The following NKAIN2 variants were observed in gnomAD, a reference collection of about 807,000 sequenced individuals.
NKAIN2 encodes sodium/potassium-transporting ATPase subunit beta-1-interacting protein 2.
In NKAIN2, 14 loss-of-function variants were observed where a neutral mutation model predicts 32.6. The observed-to-expected ratio is 0.43, with a 90% CI of 0.28 to 0.67. The LOEUF (loss-of-function observed/expected upper bound fraction) is 0.67, where lower values mean the gene tolerates loss of function less well. Ranked by LOEUF, NKAIN2 falls within the 30% of genes least tolerant of loss-of-function variation. NKAIN2 has a pLI of 0.17. For missense variants in NKAIN2, 198 were observed against 258.3 expected (o/e 0.77, Z 1.60); for synonymous variants, 80 against 87.2 (o/e 0.92, Z 0.46).
intron 1 of NKAIN2, among the ~76,000 whole-genome samples, chr6:124,242,091 A>G (rs565399881): frequency 5.9e-5 from 9 of 152,222 alleles, no homozygotes; most frequent in Non-Finnish European, 1.0e-4. Context: ...AAAAGAAACT[A>G]TCAACAGAGT....
intron 1 of NKAIN2, among the ~76,000 whole-genome samples, chr6:123,952,532 GT>G (rs1164270430): frequency 2.0e-5 from 3 of 151,966 alleles, no homozygotes; most frequent in South Asian, 2.1e-4. Flanking sequence ...ATATATTGTT[GT>G]TTTATGGTGT....
At chr6:123,888,921 C>T (rs1773862779) in intron 1 of NKAIN2, among the ~76,000 whole-genome samples, 1 of 152,120 alleles carries the variant, frequency 6.6e-6, no homozygotes, top group African/African-American at 2.4e-5. Context: ...CTATTTTCAG[C>T]TCTGGCTGCT....
intron 4 of NKAIN2, among the ~76,000 whole-genome samples, chr6:124,701,967 C>T (rs1167161499): frequency 1.3e-5 from 2 of 152,084 alleles, no homozygotes; most frequent in African/African-American, 2.4e-5. Context: ...TCTGGAACTA[C>T]AGTGAGCCCA....
intron 5 of NKAIN2, among the ~76,000 whole-genome samples, chr6:124,813,054 C>A (rs1780976229): frequency 6.6e-6 from 1 of 152,062 alleles, no homozygotes; most frequent in African/African-American, 2.4e-5. Context: ...ATCAGTCATA[C>A]AAGATGGGGA....
chr6:123,996,486 T>C (rs1689679485), intron 1 of NKAIN2, among the ~76,000 whole-genome samples: 1 of 152,076 alleles, frequency 6.6e-6, no homozygotes, highest in Admixed American at 6.5e-5. Context: ...GTCATATTCA[T>C]ATTAAAAACT....
intron 1 of NKAIN2, among the ~76,000 whole-genome samples, chr6:124,155,466 AT>A (rs1787937456): frequency 6.6e-6 from 1 of 152,144 alleles, no homozygotes; most frequent in Non-Finnish European, 1.5e-5. Flanking sequence ...AAAAATTTAA[AT>A]GTTGAATGAG....
intron 1 of NKAIN2, among the ~76,000 whole-genome samples, chr6:123,834,875 G>A (rs1046160622): frequency 1.3e-5 from 2 of 152,086 alleles, no homozygotes; most frequent in African/African-American, 4.8e-5. Flanking sequence ...ACATGAGTTG[G>A]TATTTGCATG....
intron 6 of NKAIN2, among the ~76,000 whole-genome samples, chr6:124,819,775 C>CAT (rs2114881101): frequency 6.6e-6 from 1 of 152,252 alleles, no homozygotes; most frequent in South Asian, 2.1e-4. Flanking sequence ...GAGTCCCAAC[C>CAT]ATATGCAGAT....
intron 1 of NKAIN2, among the ~76,000 whole-genome samples, chr6:124,205,926 A>T (rs1417243639): frequency 6.6e-6 from 1 of 151,922 alleles, no homozygotes; most frequent in African/African-American, 2.4e-5. Context: ...ATACCTTAGT[A>T]TGTATCTGTG....
intron 1 of NKAIN2, among the ~76,000 whole-genome samples, chr6:123,885,262 T>G (rs192064876): frequency 1.9e-3 from 295 of 152,256 alleles, no homozygotes; most frequent in African/African-American, 6.7e-3. Context: ...CAAGGACAGT[T>G]GGCCCCTGAT....
At chr6:124,411,973 T>A (rs1490767868) in intron 3 of NKAIN2, among the ~76,000 whole-genome samples, 2 of 152,204 alleles carry the variant, frequency 1.3e-5, no homozygotes, top group South Asian at 2.1e-4. Flanking sequence ...TTGATTACAT[T>A]GGTTACTGAG....
At chr6:124,733,269 C>T (rs1339184144) in intron 4 of NKAIN2, among the ~76,000 whole-genome samples, 1 of 151,646 alleles carries the variant, frequency 6.6e-6, no homozygotes, top group Admixed American at 6.6e-5. Flanking sequence ...TATAAAAATC[C>T]ACAGAATATT....
At chr6:124,522,357 A>G (rs1779148737) in intron 3 of NKAIN2, among the ~76,000 whole-genome samples, 1 of 152,192 alleles carries the variant, frequency 6.6e-6, no homozygotes, top group East Asian at 1.9e-4. Flanking sequence ...TATACACATC[A>G]TGATATTTGG....
chr6:124,392,669 A>C (rs1434677944), intron 3 of NKAIN2, among the ~76,000 whole-genome samples: 1 of 152,166 alleles, frequency 6.6e-6, no homozygotes, highest in Admixed American at 6.5e-5. Flanking sequence ...AGTTGTACAT[A>C]AAAAGTGTAT....
chr6:124,769,559 T>TA (rs113833727), intron 4 of NKAIN2, among the ~76,000 whole-genome samples: 47 of 152,220 alleles, frequency 3.1e-4, no homozygotes, highest in African/African-American at 1.0e-3. Context: ...TGAAAGATTA[T>TA]AAAAAAACTC....
At chr6:124,410,129 CT>C (rs1246882613) in intron 3 of NKAIN2, among the ~76,000 whole-genome samples, 3 of 152,138 alleles carry the variant, frequency 2.0e-5, no homozygotes, top group African/African-American at 7.2e-5. Context: ...TTTTGTTGAT[CT>C]TTTCAAAAAA....
intron 3 of NKAIN2, among the ~76,000 whole-genome samples, chr6:124,395,060 T>A (rs1408862549): frequency 6.6e-6 from 1 of 152,164 alleles, no homozygotes; most frequent in Admixed American, 6.5e-5. Context: ...TGAGTTAACA[T>A]TGAAGATGAT....
intron 3 of NKAIN2, among the ~76,000 whole-genome samples, chr6:124,544,387 A>G (rs1780018876): frequency 1.5e-5 from 2 of 132,324 alleles, no homozygotes; most frequent in African/African-American, 5.9e-5. Context: ...GCTGTGGAAT[A>G]CTGGCCTTCA....
intron 3 of NKAIN2, among the ~76,000 whole-genome samples, chr6:124,556,236 C>T (rs1375983520): frequency 6.6e-6 from 1 of 152,088 alleles, no homozygotes; most frequent in Non-Finnish European, 1.5e-5. Flanking sequence ...TTACATCTTT[C>T]TTTGGAAGAT....
Sources: allele counts gnomAD v4.1 joint callset (sites outside exome capture counted in the v4.1 genomes callset), GRCh38; gene constraint gnomAD v4.1.1; transcripts MANE v1.5; gene names NCBI Gene and HGNC (gene_info 2026-07-23, HGNC 2026-07-21).